The following MCPH1 variants were observed in gnomAD, a reference collection of about 807,000 sequenced individuals.
The protein encoded by MCPH1 is microcephalin.
Under a neutral mutation model 84.5 loss-of-function variants are expected in MCPH1, and 104 were observed. The ratio of observed to expected loss-of-function variants is 1.23; its 90% CI spans 1.05 to 1.45. MCPH1 has a LOEUF of 1.45. Among genes scored for constraint, MCPH1 ranks in the 40% most tolerant of loss-of-function variants. MCPH1 has a pLI of 0.00. For missense variants in MCPH1, 1,498 were observed against 1,005.7 expected (o/e 1.49, Z -6.62); for synonymous variants, 514 against 366.8 (o/e 1.40, Z -4.58).
intron 11 of MCPH1, 60 bp from the exon 12 acceptor site, chr8:6,499,792 G>T (rs1232984474): frequency 6.1e-6 from 9 of 1,476,952 alleles, no homozygotes; most frequent in Non-Finnish European, 7.6e-6. Flanking sequence ...GTGATTCTTG[G>T]TTTATTGCCT....
At chr8:6,484,326 A>G (rs896001854) in intron 11 of MCPH1, among the ~76,000 whole-genome samples, 1 of 152,244 alleles carries the variant, frequency 6.6e-6, no homozygotes, top group African/African-American at 2.4e-5. Context: ...ATTATTGCTC[A>G]CTTCAGAAAT....
Position 6,593,418 on chromosome 8 carries a change from G to A in MCPH1, c.2215-28036G>A, listed in dbSNP as rs567622320. Among the ~76,000 whole-genome samples, 7 of 140,794 alleles carry A rather than the reference G, an allele frequency of 5.0e-5. No individual in the cohort carries two copies. The South Asian group carries it at 6.9e-4, about 14-fold the overall frequency. 92.4% of individuals were successfully genotyped at this position (140,794 alleles called of 152,430 possible). A position where few individuals can be genotyped will look rare whatever the true frequency, so the allele number is the denominator to read the frequency against. On this transcript the variant is annotated intron_variant, in intron 12 of 13. Transcript: ENST00000344683. ...GATTAAGGCTGCAGTGCAATGGCGC[G>A]ATCTTGGCTCCCTGCAACCTCTGCC...
intron 4 of MCPH1, among the ~76,000 whole-genome samples, chr8:6,432,205 A>T (rs919059783): frequency 2.0e-5 from 3 of 152,238 alleles, no homozygotes; most frequent in Non-Finnish European, 4.4e-5. Flanking sequence ...CCTGGCCCCA[A>T]GTGATTCTCC....
At chr8:6,642,700 G>A (rs1437721437) in intron 13 of MCPH1, 2 of 472,200 alleles carry the variant, frequency 4.2e-6, no homozygotes, top group African/African-American at 2.0e-5. Context: ...TTCCCACCCT[G>A]CCCACTGAGT....
At chr8:6,430,079 G>C (rs1430745082) in intron 3 of MCPH1, among the ~76,000 whole-genome samples, 3 of 152,208 alleles carry the variant, frequency 2.0e-5, no homozygotes, top group Non-Finnish European at 4.4e-5. Flanking sequence ...TGGAAGATCT[G>C]TGTCCTCCCA....
intron 12 of MCPH1, among the ~76,000 whole-genome samples, chr8:6,567,779 AG>A (rs1826322268): frequency 6.6e-6 from 1 of 152,140 alleles, no homozygotes; most frequent in Non-Finnish European, 1.5e-5. Flanking sequence ...AGGCTTGACT[AG>A]GGGGATCTCA....
At chr8:6,496,240 T>C (rs1439440722) in intron 11 of MCPH1, among the ~76,000 whole-genome samples, 1 of 152,156 alleles carries the variant, frequency 6.6e-6, no homozygotes, top group Non-Finnish European at 1.5e-5. Context: ...GCATGCAACC[T>C]AGATCCCTCA....
rs377320662 is a variant in MCPH1, at chr8:6,409,376, A to T, written c.114+6A>T. On this transcript the variant is annotated splice_donor_region_variant and intron_variant, in intron 2 of 13. Coordinates refer to ENST00000344683, the MANE Select transcript of MCPH1 (RefSeq NM_024596.5). The stretch of plus-strand genomic sequence containing the variant: ...TTGTGGATATGGGGGCAAAGGTAAG[A>T]CACTTATTTTGCTGTTGATTCATAT... 1.3e-6 allele frequency: 2 copies of T among 1,599,820 alleles called. No homozygotes were observed. Among genetic ancestry groups the T allele is most frequent in the Admixed American group, 3.3e-5 (2 of 59,980 alleles).
intron 9 of MCPH1, among the ~76,000 whole-genome samples, chr8:6,470,460 T>C (rs1477479058): frequency 6.6e-6 from 1 of 152,102 alleles, no homozygotes; most frequent in African/African-American, 2.4e-5. Flanking sequence ...AATTTTTGTA[T>C]TTTTAGGAGA....
chr8:6,628,168 A>G (rs1336069171), intron 13 of MCPH1, among the ~76,000 whole-genome samples: 1 of 152,204 alleles, frequency 6.6e-6, no homozygotes, highest in South Asian at 2.1e-4. Context: ...TCAGAGATGT[A>G]AACATTTAAA....
intron 12 of MCPH1, among the ~76,000 whole-genome samples, chr8:6,558,245 T>A (rs1824967875): frequency 6.6e-6 from 1 of 152,184 alleles, no homozygotes; most frequent in Non-Finnish European, 1.5e-5. Flanking sequence ...AATCTCTGAG[T>A]GCTAATCTCC....
Position 6,646,634 on chromosome 8 carries a change from G to C in MCPH1, c.*3585G>C, listed in dbSNP as rs1410339686. The C allele has an allele frequency of 6.6e-6, 1 of 152,210 alleles. No homozygotes were observed. Among genetic ancestry groups the C allele is most frequent in the Non-Finnish European group, 1.5e-5 (1 of 68,064 alleles). The allele number at this position is 152,210 out of a possible 1,614,324, so 9.4% of individuals were successfully genotyped here. A position where few individuals can be genotyped will look rare whatever the true frequency, so the allele number is the denominator to read the frequency against. ...GGGTTTCTCAACATCAGCAGTGTTG[G>C]CGTTTGCTGGGGTGGATAATTCTTT... On this transcript the variant is annotated 3_prime_UTR_variant, in exon 14 of 14. Transcript: ENST00000344683.
chr8:6,509,884 C>T (rs1006334728), intron 12 of MCPH1, among the ~76,000 whole-genome samples: 1 of 152,188 alleles, frequency 6.6e-6, no homozygotes, highest in Non-Finnish European at 1.5e-5. Context: ...CTGGGGATCA[C>T]AGGACTGACT....
chr8:6,578,592 C>T (rs1427849408), intron 12 of MCPH1, among the ~76,000 whole-genome samples: 1 of 152,156 alleles, frequency 6.6e-6, no homozygotes, highest in Admixed American at 6.5e-5. Flanking sequence ...TTCATTGCTA[C>T]CAAAATGCTA....
chr8:6,551,025 T>A (rs780285172), intron 12 of MCPH1, among the ~76,000 whole-genome samples: 1 of 152,194 alleles, frequency 6.6e-6, no homozygotes, highest in Non-Finnish European at 1.5e-5. Context: ...AACCAACAAG[T>A]GAAGGCACTC....
intron 4 of MCPH1, among the ~76,000 whole-genome samples, chr8:6,435,738 G>T (rs1175564067): frequency 6.6e-6 from 1 of 152,106 alleles, no homozygotes; most frequent in Non-Finnish European, 1.5e-5. Flanking sequence ...TGGTTTGGTG[G>T]TAAGAACAGC....
At chr8:6,551,869 T>C (rs1425061751) in intron 12 of MCPH1, among the ~76,000 whole-genome samples, 4 of 152,254 alleles carry the variant, frequency 2.6e-5, no homozygotes, top group Non-Finnish European at 5.9e-5. Flanking sequence ...ACATTTCCCA[T>C]TAAGACCAGT....
At chr8:6,538,912 C>A (rs1001764592) in intron 12 of MCPH1, among the ~76,000 whole-genome samples, 1 of 152,172 alleles carries the variant, frequency 6.6e-6, no homozygotes, top group East Asian at 1.9e-4. Flanking sequence ...ATTTGGGAGG[C>A]TTTTGACCTA....
intron 1 of MCPH1, chr8:6,406,958 A>G (rs1168408519): frequency 6.8e-6 from 3 of 443,056 alleles, no homozygotes; most frequent in East Asian, 9.1e-5. Context: ...CAAACCCCCG[A>G]CTGCCTGCTT....
Sources: gnomAD v4.1 joint callset for allele counts (sites outside exome capture counted in the v4.1 genomes callset) on GRCh38, gnomAD v4.1.1 for gene constraint, MANE v1.5 for transcripts, NCBI Gene and HGNC (gene_info 2026-07-23, HGNC 2026-07-21) for gene names.